Variants in NXPE2 observed in about 807,000 individuals in gnomAD.
The protein encoded by NXPE2 is NXPE family member 2.
A neutral mutation model predicts 34.4 loss-of-function variants in NXPE2; 34 were observed. The observed-to-expected ratio is 0.99, with a 90% CI of 0.75 to 1.31. The LOEUF (loss-of-function observed/expected upper bound fraction) is 1.31, where lower values mean the gene tolerates loss of function less well. Among genes scored for constraint, NXPE2 ranks in the 40% most tolerant of loss-of-function variants. The pLI, the probability that NXPE2 is intolerant of heterozygous loss-of-function variation, is 0.00. For missense variants in NXPE2, 649 were observed against 672.5 expected, an observed-to-expected ratio of 0.97 and a Z score of 0.39; for synonymous variants, 235 against 231.3, an observed-to-expected ratio of 1.02 and a Z score of -0.15.
At chr11:114,472,544 G>C in the NXPE2 span, among the ~76,000 whole-genome samples, 1 of 152,194 alleles carries the variant, frequency 6.6e-6, no homozygotes, top group Non-Finnish European at 1.5e-5. Context: ...GTCTTAGTCT[G>C]TGCAGGCTGC....
the NXPE2 span, among the ~76,000 whole-genome samples, chr11:114,752,735 T>A: frequency 3.3e-5 from 5 of 151,946 alleles, no homozygotes; most frequent in South Asian, 1.0e-3. Context: ...ACTGTGGGAG[T>A]CTGGCAGTTT....
rs1356428 is a variant in NXPE2, at chr11:114,705,904, A to T, written c.1052A>T (p.Asn351Ile). ...CAGATCAAGTTCAATGAAACAAAAA[A>T]TATAAATGACTGCTTGGAAAGAAAA... ...CKQIKFNETK[N>I]INDCLERKLI... Residue 351 changes from asparagine to isoleucine, a missense_variant, in exon 5 of 6, where the codon AAT (asparagine) becomes ATT (isoleucine). Transcript: ENST00000389586. The T allele has an allele frequency of 0.37, 564,910 of 1,540,364 alleles. 107,064 individuals are homozygous for T. The highest frequency in any genetic ancestry group is 0.38 in the South Asian group (31,258 of 82,208).
At chr11:114,807,734 AT>A in the NXPE2 span, among the ~76,000 whole-genome samples, 1 of 149,784 alleles carries the variant, frequency 6.7e-6, no homozygotes, top group Non-Finnish European at 1.5e-5. Context: ...CTCCCACACA[AT>A]AATAATGGGA....
chr11:114,472,621 GC>G, the NXPE2 span, among the ~76,000 whole-genome samples: 5 of 152,104 alleles, frequency 3.3e-5, no homozygotes, highest in East Asian at 9.6e-4. Context: ...AGTTCTAGAG[GC>G]TGGGAAGTCC....
At chr11:114,742,811 A>G in the NXPE2 span, among the ~76,000 whole-genome samples, 1 of 152,086 alleles carries the variant, frequency 6.6e-6, no homozygotes, top group Admixed American at 6.6e-5. Flanking sequence ...TAACCATCCC[A>G]GTTGGTCCCA....
chr11:114,496,549 G>A, the NXPE2 span, among the ~76,000 whole-genome samples: 1 of 152,128 alleles, frequency 6.6e-6, no homozygotes, highest in Non-Finnish European at 1.5e-5. Context: ...CTGCAGTGGG[G>A]AGGATCACAG....
chr11:114,672,372 A>G, the NXPE2 span, among the ~76,000 whole-genome samples: 1 of 150,760 alleles, frequency 6.6e-6, no homozygotes, highest in Non-Finnish European at 1.5e-5. Flanking sequence ...ATGTTACACT[A>G]GAAAATATTC....
At chr11:114,724,105 C>T in the NXPE2 span, among the ~76,000 whole-genome samples, 1 of 152,138 alleles carries the variant, frequency 6.6e-6, no homozygotes, top group Admixed American at 6.5e-5. Flanking sequence ...AACAATCATC[C>T]TATCAGTGGA....
the NXPE2 span, chr11:114,522,950 C>T: frequency 9.3e-6 from 15 of 1,613,422 alleles, no homozygotes; most frequent in Non-Finnish European, 1.3e-5. Context: ...AATGAGTTTG[C>T]CTTTCAAACA....
the NXPE2 span, among the ~76,000 whole-genome samples, chr11:114,480,656 G>A: frequency 1.3e-5 from 2 of 152,132 alleles, no homozygotes; most frequent in African/African-American, 2.4e-5. Context: ...ATTGACTTAA[G>A]CTTTTGTCAT....
the NXPE2 span, among the ~76,000 whole-genome samples, chr11:114,656,138 G>T: frequency 2.6e-5 from 4 of 151,970 alleles, no homozygotes; most frequent in Admixed American, 6.6e-5. Context: ...ACCAACAAAA[G>T]GCAAGCAGAG....
the NXPE2 span, among the ~76,000 whole-genome samples, chr11:114,469,355 C>T: frequency 0.016 from 2,373 of 151,476 alleles, 67 homozygotes; most frequent in African/African-American, 0.055. Context: ...CCTTGCGATC[C>T]GCCTGCCTCA....
the NXPE2 span, among the ~76,000 whole-genome samples, chr11:114,661,501 A>G: frequency 6.6e-6 from 1 of 152,192 alleles, no homozygotes; most frequent in African/African-American, 2.4e-5. Context: ...TTGTCATCAT[A>G]TTGCAACTGA....
At chr11:114,709,319 T>C (rs1464383818), downstream of NXPE2, among the ~76,000 whole-genome samples, 1 of 152,220 alleles carries the variant, frequency 6.6e-6, no homozygotes, top group African/African-American at 2.4e-5. Context: ...TAATGCGTTA[T>C]CATTTTTCGT....
chr11:114,663,344 T>C, the NXPE2 span, among the ~76,000 whole-genome samples: 3 of 152,152 alleles, frequency 2.0e-5, no homozygotes, highest in Non-Finnish European at 4.4e-5. Flanking sequence ...AGCCTGCCAA[T>C]GTCTGGATTG....
chr11:114,806,934 C>A, the NXPE2 span, among the ~76,000 whole-genome samples: 1 of 152,050 alleles, frequency 6.6e-6, no homozygotes, highest in East Asian at 1.9e-4. Flanking sequence ...TTAAGGGCAG[C>A]CAGAGAGAAA....
At chr11:114,544,438 A>C in the NXPE2 span, among the ~76,000 whole-genome samples, 119 of 152,348 alleles carry the variant, frequency 7.8e-4, no homozygotes, top group Admixed American at 2.3e-3. Context: ...AAATATTATC[A>C]ACTGATTTTT....
At chr11:114,711,192 C>T (rs1037752337), downstream of NXPE2, among the ~76,000 whole-genome samples, 4 of 151,890 alleles carry the variant, frequency 2.6e-5, no homozygotes, top group Non-Finnish European at 5.9e-5. Flanking sequence ...GCAAAGATGC[C>T]CATCCTTACC....
the NXPE2 span, among the ~76,000 whole-genome samples, chr11:114,812,436 A>C: frequency 6.6e-6 from 1 of 152,352 alleles, no homozygotes; most frequent in East Asian, 1.9e-4. Context: ...GAAAGGGGCA[A>C]GCTCAGTTTT....
Sources: gnomAD v4.1 joint callset for allele counts (sites outside exome capture counted in the v4.1 genomes callset) on GRCh38, gnomAD v4.1.1 for gene constraint, MANE v1.5 for transcripts, NCBI Gene and HGNC (gene_info 2026-07-23, HGNC 2026-07-21) for gene names.